PRDM15: variants seen among roughly 807,000 people sequenced by gnomAD.
PRDM15 encodes the protein PR/SET domain 15.
A neutral mutation model predicts 128.6 loss-of-function variants in PRDM15; 64 were observed. The ratio of observed to expected loss-of-function variants is 0.50; its 90% CI spans 0.41 to 0.61. The LOEUF (loss-of-function observed/expected upper bound fraction) is 0.61. PRDM15 is among the 20% of genes least tolerant of loss of function. PRDM15 has a pLI of 0.00. For synonymous variants in PRDM15, 615 were observed against 621.8 expected, an observed-to-expected ratio of 0.99 and a Z score of 0.16; for missense variants, 1,242 against 1,569.1, an observed-to-expected ratio of 0.79 and a Z score of 3.52.
chr21:41,819,077 T>TG (rs1305292420), intron 18 of PRDM15, among the ~76,000 whole-genome samples: 1 of 152,250 alleles, frequency 6.6e-6, no homozygotes, highest in East Asian at 1.9e-4. Context: ...TTAAAACGAT[T>TG]TGTTTGTGCC....
At chr21:41,827,872 G>A (rs914777153) in intron 12 of PRDM15, among the ~76,000 whole-genome samples, 4 of 152,136 alleles carry the variant, frequency 2.6e-5, no homozygotes, top group African/African-American at 9.6e-5. Flanking sequence ...TGAAACACTG[G>A]ACCCCACAAA....
intron 11 of PRDM15, among the ~76,000 whole-genome samples, chr21:41,829,185 C>T: frequency 6.7e-6 from 1 of 149,184 alleles, no homozygotes. Context: ...ACCACATACA[C>T]ACACCACACA....
rs1029450033 is a variant in PRDM15 at position 41,840,900 on chromosome 21, C to T, written c.641-1047G>A. 5.3e-5 allele frequency among the ~76,000 whole-genome samples: 8 copies of T among 151,964 alleles called. No individual in the cohort carries two copies. In the East Asian group the frequency reaches 7.7e-4, roughly 15 times the overall value. ...GGCCCAAAATAAAAACACAATGTGT[C>T]GTATTAAACAAAAAATTAGACACAA... On this transcript the variant is annotated intron_variant, in intron 6 of 23. Coordinates refer to ENST00000398548, the MANE Select transcript of PRDM15 (RefSeq NM_001040424.3).
At position 41,838,871 on chromosome 21, in the gene PRDM15, T is replaced by C. The variant is rs1440518425; in HGVS notation, c.871+752A>G. Among the ~76,000 whole-genome samples, 6 of 152,302 alleles carry C rather than the reference T, an allele frequency of 3.9e-5. No individual in the cohort carries two copies. The East Asian group carries it at 1.2e-3, about 29-fold the overall frequency. On this transcript the variant is annotated intron_variant, in intron 7 of 23. Transcript: ENST00000398548. ...CAATAAGGACTCCTTTTCACTCTCA[T>C]AAAAGAAATCCTGGTGTATCCCAGA...
At position 41,847,140 on chromosome 21, in the gene PRDM15, C is replaced by A; in HGVS notation, c.590G>T (p.Trp197Leu). ...GGTGGCAGAACACACTTTACACGCC[C>A]ACTGGCTGGGCTCCGACTCCACGGG... ...SAPVESEPSQ[W>L]ACKVCSATFL... The change falls in exon 6 of 24, where the codon TGG becomes TTG. Residue 197 changes from tryptophan to leucine, a missense_variant. Around this residue, in one of 3 missense-constraint regions of PRDM15, gnomAD observed 612 missense variants for 717.0 expected, o/e 0.85. Coordinates refer to ENST00000398548, the MANE Select transcript of PRDM15 (RefSeq NM_001040424.3). 1.9e-6 allele frequency: 3 copies of A among 1,556,142 alleles called. No individual in the cohort carries two copies. Among genetic ancestry groups the A allele is most frequent in the Non-Finnish European group, 1.7e-6 (2 of 1,148,976 alleles).
In PRDM15 at chr21:41,811,351, T is replaced by C. The variant is rs898968677; in HGVS notation, c.2393-515A>G. On this transcript the variant is annotated intron_variant, in intron 19 of 23. Coordinates refer to ENST00000398548, the MANE Select transcript of PRDM15 (RefSeq NM_001040424.3). This position sits in a 1 kb window ranked among gnomAD's most constrained non-coding sequence, Gnocchi z 4.1. ...CTTGACTAATTCAAATGAGAGCTGA[T>C]GCCAGGCACGGTGGCTCATGCCTGT... 1 of 156,688 alleles carries C rather than the reference T, an allele frequency of 6.4e-6. No individual in the cohort carries two copies. Among genetic ancestry groups the C allele is most frequent in the Non-Finnish European group, 1.4e-5 (1 of 70,648 alleles). The allele number at this position is 156,688 out of a possible 1,614,324, so 9.7% of individuals were successfully genotyped here.
chr21:41,871,470 C>T (rs1293740890), intron 1 of PRDM15: 1 of 1,557,688 alleles, frequency 6.4e-7, no homozygotes, highest in African/African-American at 1.4e-5. Context: ...CCATATCCTT[C>T]CTCCCCTACT....
Position 41,804,066 on chromosome 21 carries a change from C to T in PRDM15, c.2733+468G>A, listed in dbSNP as rs570434568. Among the ~76,000 whole-genome samples the T allele has an allele frequency of 2.2e-3, 339 of 150,972 alleles. 3 individuals are homozygous for T. Among genetic ancestry groups the T allele is most frequent in the African/African-American group, 8.0e-3 (328 of 40,958 alleles). On this transcript the variant is annotated intron_variant, in intron 22 of 23. Coordinates refer to ENST00000398548, the MANE Select transcript of PRDM15 (RefSeq NM_001040424.3). ...TGCAACCTCCGCCCCTGGGTTCAAG[C>T]AATTCTCCTGCCTCAGCCTCCTGAG...
In PRDM15 at chr21:41,828,422, C is replaced by T. The variant is rs1199207134; in HGVS notation, c.1367-89G>A. On this transcript the variant is annotated intron_variant, in intron 11 of 23. Transcript: ENST00000398548. The surrounding 1 kb of genome is among the most constrained non-coding windows in gnomAD (Gnocchi z 5.7). ...ACGTGTGGCCTGAACGTCAATAAAG[C>T]GCGGGTGACGGGCATGAGAGTCACG... 14 of 1,387,946 alleles carry T rather than the reference C, an allele frequency of 1.0e-5. No individual in the cohort carries two copies. The highest frequency in any genetic ancestry group is 2.4e-5 in the South Asian group (2 of 83,154). 86.0% of individuals were successfully genotyped at this position (1,387,946 alleles called of 1,614,324 possible).
intron 12 of PRDM15, 69 bp from the exon 13 acceptor site, chr21:41,826,123 A>G (rs2062462273): frequency 7.7e-7 from 1 of 1,304,596 alleles, no homozygotes; most frequent in Non-Finnish European, 1.1e-6. Flanking sequence ...ATCAGATTCC[A>G]CTTCAGCCAG....
chr21:41,823,960 T>A (rs1052721143), intron 13 of PRDM15, among the ~76,000 whole-genome samples: 1 of 152,240 alleles, frequency 6.6e-6, no homozygotes, highest in Non-Finnish European at 1.5e-5. Flanking sequence ...GGGGGTCACC[T>A]CTGTGACCAG....
chr21:41,816,156 TGA>T (rs1354536680), intron 18 of PRDM15, among the ~76,000 whole-genome samples: 1 of 151,972 alleles, frequency 6.6e-6, no homozygotes, highest in African/African-American at 2.4e-5. Flanking sequence ...GAGAATTCGG[TGA>T]GAGATAGATT....
At chr21:41,830,242 ACAC>A (rs1343602841) in intron 11 of PRDM15, among the ~76,000 whole-genome samples, 1 of 151,052 alleles carries the variant, frequency 6.6e-6, no homozygotes, top group African/African-American at 2.4e-5. Flanking sequence ...CACTCAANAC[ACAC>A]CACACACACA....
rs1328573168 is a variant in PRDM15 at position 41,804,537 on chromosome 21, G to A, written c.2730C>T (p.Val910=). The A allele has an allele frequency of 3.8e-6, 6 of 1,564,648 alleles. No individual in the cohort carries two copies. Among genetic ancestry groups the A allele is most frequent in the Admixed American group, 3.8e-5 (2 of 52,104 alleles). Reference sequence around the variant, plus strand: ...CCTGGGGCCCCATGCTGCTCACCTGGACGATGCCAATGGAGGAGGCGTCGA... The same window carrying A: ...CCTGGGGCCCCATGCTGCTCACCTGAACGATGCCAATGGAGGAGGCGTCGA... The part of the protein sequence containing the change: ...TTIDASSIGI[V]QPELTLEQED... The change falls in exon 22 of 24, where the codon GTC becomes GTT. Residue 910 remains valine, a synonymous_variant. Coordinates refer to ENST00000398548, the MANE Select transcript of PRDM15 (RefSeq NM_001040424.3).
At position 41,862,932 on chromosome 21, in the gene PRDM15, G is replaced by C. The variant is rs1404890854; in HGVS notation, c.-9-2560C>G. Among the ~76,000 whole-genome samples, 1 of 152,144 alleles carries C rather than the reference G, an allele frequency of 6.6e-6. No individual in the cohort carries two copies. Among genetic ancestry groups the C allele is most frequent in the East Asian group, 1.9e-4 (1 of 5,190 alleles). ...CGTCTGTAATCCCAGCACTTTCAGA[G>C]ATGAGGACGGGCGATCACTTCAGGT... is the stretch of plus-strand genomic sequence containing the variant. On this transcript the variant is annotated intron_variant, in intron 1 of 23. Coordinates refer to ENST00000398548, the MANE Select transcript of PRDM15 (RefSeq NM_001040424.3). The surrounding 1 kb of genome is among the most constrained non-coding windows in gnomAD (Gnocchi z 4.1).
At chr21:41,878,761 T>C (rs2064517132) in intron 1 of PRDM15, 9 of 1,497,938 alleles carry the variant, frequency 6.0e-6, no homozygotes, top group Non-Finnish European at 8.0e-6. Context: ...CCGCATGGGC[T>C]GTACCCGAGG....
In PRDM15 at chr21:41,859,911, G is replaced by A. The variant is rs890785565; in HGVS notation, c.38-226C>T. Among the ~76,000 whole-genome samples the A allele has an allele frequency of 1.3e-5, 2 of 152,124 alleles. No homozygotes were observed. The highest frequency in any genetic ancestry group is 4.8e-5 in the African/African-American group (2 of 41,428). On this transcript the variant is annotated intron_variant, in intron 2 of 23. Coordinates refer to ENST00000398548, the MANE Select transcript of PRDM15 (RefSeq NM_001040424.3). The surrounding 1 kb of genome is among the most constrained non-coding windows in gnomAD (Gnocchi z 5.3). ...GCACACATGAGGAGTGCAAAGGCAG[G>A]ACACGCCCCCAGGGAAAGCTCTAGC...
Position 41,821,898 on chromosome 21 carries a change from C to T in PRDM15, c.1896+5G>A. 2 of 1,613,992 alleles carry T rather than the reference C, an allele frequency of 1.2e-6. No homozygotes were observed. Among genetic ancestry groups the T allele is most frequent in the Non-Finnish European group, 8.5e-7 (1 of 1,180,030 alleles). On this transcript the variant is annotated splice_donor_5th_base_variant and intron_variant, in intron 15 of 23. Coordinates refer to ENST00000398548, the MANE Select transcript of PRDM15 (RefSeq NM_001040424.3). The surrounding 1 kb of genome is among the most constrained non-coding windows in gnomAD (Gnocchi z 5.4). ...CCCAGGCACCGCGGGGCAAACCCGC[C>T]ATACCTGGCACCGCTTGCAGCTGTA... is the stretch of plus-strand genomic sequence containing the variant.
At chr21:41,820,274 A>G in intron 16 of PRDM15, 100 bp from the exon 17 acceptor site, 4 of 850,100 alleles carry the variant, frequency 4.7e-6, no homozygotes, top group Non-Finnish European at 7.7e-6. Flanking sequence ...GTGAGGCAAC[A>G]AGGTGCCACG....
Sources: allele counts gnomAD v4.1 joint callset (sites outside exome capture counted in the v4.1 genomes callset), GRCh38; gene constraint gnomAD v4.1.1; regional missense constraint gnomAD v4.1.1; non-coding constraint Gnocchi (gnomAD v3.1); transcripts MANE v1.5; gene names NCBI Gene and HGNC (gene_info 2026-07-23, HGNC 2026-07-21).